RNGTT: variants seen among roughly 807,000 people sequenced by gnomAD.
RNGTT encodes the protein mRNA-capping enzyme.
A neutral mutation model predicts 79.3 loss-of-function variants in RNGTT; 33 were observed. That is an observed-to-expected ratio of 0.42 (90% CI 0.32 to 0.56). The LOEUF (loss-of-function observed/expected upper bound fraction) is 0.56, where lower values mean the gene tolerates loss of function less well. Ranked by LOEUF, RNGTT falls within the 20% of genes least tolerant of loss-of-function variation. The pLI, the probability that RNGTT is intolerant of heterozygous loss-of-function variation, is 0.17. For synonymous variants in RNGTT, 222 were observed against 235.9 expected, an observed-to-expected ratio of 0.94 and a Z score of 0.54; for missense variants, 497 against 739.1, an observed-to-expected ratio of 0.67 and a Z score of 3.80.
chr6:88,718,381 T>A (rs542308023), intron 13 of RNGTT, among the ~76,000 whole-genome samples: 1 of 144,398 alleles, frequency 6.9e-6, no homozygotes, highest in African/African-American at 2.6e-5. Context: ...AGTGAGACTG[T>A]CTCTCAAAAA....
intron 14 of RNGTT, among the ~76,000 whole-genome samples, chr6:88,641,787 T>C (rs932710797): frequency 1.3e-5 from 2 of 152,124 alleles, no homozygotes; most frequent in Non-Finnish European, 2.9e-5. Context: ...CCACTGTAAA[T>C]GAAACAACAC....
intron 12 of RNGTT, among the ~76,000 whole-genome samples, chr6:88,771,197 T>C (rs920207637): frequency 1.9e-3 from 288 of 150,920 alleles, no homozygotes; most frequent in African/African-American, 6.5e-3. Flanking sequence ...AATTTTCTAC[T>C]ATGTTTTCTT....
chr6:88,808,514 G>C (rs755668550), intron 11 of RNGTT, among the ~76,000 whole-genome samples: 4 of 152,142 alleles, frequency 2.6e-5, no homozygotes, highest in Non-Finnish European at 5.9e-5. Context: ...CAAGTAGTAT[G>C]ATAGTAGATT....
chr6:88,818,311 G>T (rs551827971), intron 11 of RNGTT, among the ~76,000 whole-genome samples: 4 of 152,152 alleles, frequency 2.6e-5, no homozygotes, highest in African/African-American at 9.6e-5. Flanking sequence ...GGCTGGGCGC[G>T]GTGGCTCATG....
chr6:88,618,985 C>T (rs1772342195), intron 14 of RNGTT, among the ~76,000 whole-genome samples: 1 of 152,000 alleles, frequency 6.6e-6, no homozygotes, highest in South Asian at 2.1e-4. Flanking sequence ...CATTTAATTG[C>T]TTATCTGTAT....
intron 13 of RNGTT, among the ~76,000 whole-genome samples, chr6:88,690,214 T>C (rs1343198452): frequency 6.6e-6 from 1 of 152,080 alleles, no homozygotes; most frequent in African/African-American, 2.4e-5. Flanking sequence ...AAGTATATTA[T>C]TGGGGAAACT....
chr6:88,810,013 A>C (rs919931031), intron 11 of RNGTT, among the ~76,000 whole-genome samples: 3 of 152,148 alleles, frequency 2.0e-5, no homozygotes, highest in Non-Finnish European at 2.9e-5. Context: ...GCACCACTGC[A>C]CTCCAACCTG....
chr6:88,889,596 AAT>A (rs1782976858), intron 8 of RNGTT, among the ~76,000 whole-genome samples: 1 of 146,642 alleles, frequency 6.8e-6, no homozygotes, highest in African/African-American at 2.8e-5. Context: ...TTTATTATGA[AAT>A]AGTTAATGAC....
At chr6:88,640,920 A>G (rs769747159) in intron 14 of RNGTT, among the ~76,000 whole-genome samples, 32 of 152,346 alleles carry the variant, frequency 2.1e-4, no homozygotes, top group Non-Finnish European at 3.5e-4. Context: ...TCCTCTGCAT[A>G]GTATAATAAG....
At chr6:88,775,150 A>G (rs1228043171) in intron 12 of RNGTT, among the ~76,000 whole-genome samples, 1 of 152,186 alleles carries the variant, frequency 6.6e-6, no homozygotes, top group Non-Finnish European at 1.5e-5. Flanking sequence ...TTATAACACA[A>G]TGTTTGATAT....
intron 13 of RNGTT, among the ~76,000 whole-genome samples, chr6:88,700,287 T>C (rs1775901934): frequency 6.6e-6 from 1 of 152,124 alleles, no homozygotes; most frequent in Admixed American, 6.5e-5. Flanking sequence ...CTCATATTCA[T>C]CCCTTTCTTT....
Position 88,698,291 on chromosome 6 carries a change from C to T in RNGTT, c.1440-19872G>A, listed in dbSNP as rs2756360. 1.0e-4 allele frequency among the ~76,000 whole-genome samples: 9 copies of T among 89,654 alleles called. 3 individuals carry two copies. The highest frequency in any genetic ancestry group is 6.8e-4 in the African/African-American group (9 of 13,188). 58.8% of individuals were successfully genotyped at this position (89,654 alleles called of 152,430 possible). ...TATGATATATATATTTCATATATAT[C>T]ATATATATATGAAATATATATATGA... is the stretch of plus-strand genomic sequence containing the variant. On this transcript the variant is annotated intron_variant, in intron 13 of 15. Transcript: ENST00000369485.
chr6:88,637,722 C>T (rs1398984355), intron 14 of RNGTT, among the ~76,000 whole-genome samples: 1 of 152,064 alleles, frequency 6.6e-6, no homozygotes, highest in East Asian at 1.9e-4. Flanking sequence ...TCCTAATGAT[C>T]TGAATCCCAA....
At chr6:88,855,662 T>A in intron 8 of RNGTT, among the ~76,000 whole-genome samples, 1 of 152,092 alleles carries the variant, frequency 6.6e-6, no homozygotes, top group Non-Finnish European at 1.5e-5. Flanking sequence ...CCCTAGTAGA[T>A]GGGGAGTGTG....
chr6:88,736,570 T>C (rs1777293493), intron 13 of RNGTT, among the ~76,000 whole-genome samples: 2 of 152,170 alleles, frequency 1.3e-5, no homozygotes, highest in African/African-American at 4.8e-5. Flanking sequence ...TTATGGCTTA[T>C]AGTAAAATGC....
chr6:88,855,567 A>T (rs1043414710), intron 8 of RNGTT, among the ~76,000 whole-genome samples: 5 of 152,050 alleles, frequency 3.3e-5, no homozygotes, highest in Non-Finnish European at 5.9e-5. Flanking sequence ...AAATTTTTTT[A>T]AAGTTTTAAT....
intron 14 of RNGTT, among the ~76,000 whole-genome samples, chr6:88,624,691 C>G (rs1184807083): frequency 4.0e-5 from 6 of 151,596 alleles, no homozygotes; most frequent in Non-Finnish European, 8.9e-5. Context: ...AGAAATGACA[C>G]CAAAAACATG....
intron 13 of RNGTT, among the ~76,000 whole-genome samples, chr6:88,768,497 GCA>G (rs372794268): frequency 6.5e-4 from 99 of 152,244 alleles, no homozygotes; most frequent in African/African-American, 1.3e-3. Context: ...TCACCACAAT[GCA>G]CAGTTTCCTT....
intron 4 of RNGTT, among the ~76,000 whole-genome samples, chr6:88,927,225 T>C (rs927867838): frequency 6.6e-6 from 1 of 152,144 alleles, no homozygotes; most frequent in East Asian, 1.9e-4. Flanking sequence ...GTTGGTTATG[T>C]AGAAAACATT....
Sources: gnomAD v4.1 joint callset for allele counts (sites outside exome capture counted in the v4.1 genomes callset) on GRCh38, gnomAD v4.1.1 for gene constraint, MANE v1.5 for transcripts, NCBI Gene and HGNC (gene_info 2026-07-23, HGNC 2026-07-21) for gene names.